Variants in CUL1 observed in about 807,000 individuals in gnomAD.
CUL1 encodes cullin 1.
Under a neutral mutation model 118.0 loss-of-function variants are expected in CUL1, and 24 were observed. The ratio of observed to expected loss-of-function variants is 0.20; its 90% CI spans 0.15 to 0.29. The LOEUF (loss-of-function observed/expected upper bound fraction) is 0.29. Among genes scored for constraint, CUL1 ranks in the 10% least tolerant of loss-of-function variants. The pLI, the probability that CUL1 is intolerant of heterozygous loss-of-function variation, is 1.00. For missense variants in CUL1, 361 were observed against 933.8 expected, an observed-to-expected ratio of 0.39 and a Z score of 7.99; for synonymous variants, 332 against 340.4, an observed-to-expected ratio of 0.98 and a Z score of 0.27.
intron 1 of CUL1, among the ~76,000 whole-genome samples, chr7:148,716,377 G>A (rs948637073): frequency 2.6e-5 from 4 of 152,178 alleles, no homozygotes; most frequent in Admixed American, 6.5e-5. Flanking sequence ...TCTTGCTGAC[G>A]AAGTTAGACA....
At chr7:148,720,179 G>A (rs113584648) in intron 1 of CUL1, among the ~76,000 whole-genome samples, 26 of 152,288 alleles carry the variant, frequency 1.7e-4, no homozygotes, top group Middle Eastern at 3.4e-3. Flanking sequence ...AAAACGCAGC[G>A]TATAGAAGAA....
At chr7:148,741,595 T>C (rs1799141176) in intron 2 of CUL1, among the ~76,000 whole-genome samples, 1 of 149,752 alleles carries the variant, frequency 6.7e-6, no homozygotes, top group Admixed American at 6.6e-5. Context: ...TGCATCACCA[T>C]GCCCAGCTAA....
chr7:148,702,903 A>G (rs774041356), intron 1 of CUL1, among the ~76,000 whole-genome samples: 6 of 152,234 alleles, frequency 3.9e-5, no homozygotes, highest in Non-Finnish European at 8.8e-5. Flanking sequence ...AGCATACTGC[A>G]TGCATCAACA....
chr7:148,729,769 C>T (rs1798697354), intron 1 of CUL1, among the ~76,000 whole-genome samples, 193 bp from the exon 2 acceptor site: 1 of 152,156 alleles, frequency 6.6e-6, no homozygotes, highest in Non-Finnish European at 1.5e-5. Flanking sequence ...GTGCTGATAT[C>T]ATAATGATTT....
intron 2 of CUL1, 145 bp from the exon 3 acceptor site, chr7:148,753,831 A>T (rs1340380298): frequency 3.2e-6 from 2 of 620,710 alleles, no homozygotes; most frequent in Non-Finnish European, 5.3e-6. Flanking sequence ...GATAGTGTGA[A>T]TGGGATCTTT....
chr7:148,719,235 C>T (rs1033010986), intron 1 of CUL1, among the ~76,000 whole-genome samples: 1 of 151,924 alleles, frequency 6.6e-6, no homozygotes, highest in African/African-American at 2.4e-5. Context: ...GGCGTGAACC[C>T]GGGAGGCGGA....
At chr7:148,782,428 G>GT (rs1800671798) in intron 9 of CUL1, among the ~76,000 whole-genome samples, 2 of 152,270 alleles carry the variant, frequency 1.3e-5, no homozygotes, top group South Asian at 4.1e-4. Context: ...CGCTCTGTGT[G>GT]TTTTAACATT....
intron 1 of CUL1, among the ~76,000 whole-genome samples, chr7:148,722,623 A>G (rs1384235887): frequency 6.6e-6 from 1 of 152,200 alleles, no homozygotes; most frequent in Non-Finnish European, 1.5e-5. Context: ...CTATCCCTAC[A>G]GTGGTCATCT....
chr7:148,743,335 A>G (rs1379914277), intron 2 of CUL1, among the ~76,000 whole-genome samples: 1 of 152,134 alleles, frequency 6.6e-6, no homozygotes, highest in African/African-American at 2.4e-5. Context: ...CCTGTGTGAT[A>G]TTGTCCTGTT....
At chr7:148,716,471 G>T (rs1429506576) in intron 1 of CUL1, among the ~76,000 whole-genome samples, 2 of 152,162 alleles carry the variant, frequency 1.3e-5, no homozygotes, top group Non-Finnish European at 1.5e-5. Flanking sequence ...TGAAAATAAA[G>T]ATGTAATTTT....
intron 1 of CUL1, among the ~76,000 whole-genome samples, chr7:148,725,671 G>C (rs959214709): frequency 2.0e-5 from 3 of 152,334 alleles, no homozygotes; most frequent in Admixed American, 2.0e-4. Flanking sequence ...ACAGGTCTCT[G>C]TTGCTGCCCA....
At chr7:148,716,554 T>C (rs748808531) in intron 1 of CUL1, among the ~76,000 whole-genome samples, 2 of 152,190 alleles carry the variant, frequency 1.3e-5, no homozygotes, top group African/African-American at 2.4e-5. Flanking sequence ...TCCACCCTTC[T>C]CCCACACTGT....
At chr7:148,791,795 T>G (rs572699586) in intron 16 of CUL1, among the ~76,000 whole-genome samples, 1 of 152,256 alleles carries the variant, frequency 6.6e-6, no homozygotes, top group Non-Finnish European at 1.5e-5. Context: ...CTGTCGATTA[T>G]GCAAGAAAAC....
At chr7:148,744,579 G>C (rs1488284267) in intron 2 of CUL1, among the ~76,000 whole-genome samples, 1 of 151,928 alleles carries the variant, frequency 6.6e-6, no homozygotes, top group African/African-American at 2.4e-5. Flanking sequence ...TACTCGTATC[G>C]CTCTCCTTTA....
chr7:148,759,476 G>A (rs1241964905), intron 5 of CUL1, 72 bp from the exon 6 acceptor site: 13 of 1,369,598 alleles, frequency 9.5e-6, no homozygotes, highest in Non-Finnish European at 1.3e-5. Flanking sequence ...GGCTGTGAAT[G>A]TTTAAGGGAT....
At chr7:148,718,401 C>G (rs1266494311) in intron 1 of CUL1, among the ~76,000 whole-genome samples, 1 of 152,180 alleles carries the variant, frequency 6.6e-6, no homozygotes, top group Non-Finnish European at 1.5e-5. Flanking sequence ...TCCCCACAAC[C>G]CCAGGCAGCT....
Position 148,787,805 on chromosome 7 carries a change from C to A in CUL1, c.1479+685C>A, listed in dbSNP as rs145685998. On this transcript the variant is annotated intron_variant, in intron 13 of 21. Transcript: ENST00000325222. The surrounding 1 kb of genome is among the most constrained non-coding windows in gnomAD (Gnocchi z 5.5). ...TTGGTTACTTTGCTGTCACGCAGCC[C>A]TTCCTCTGCCACCTCCTTTGCGTGC... 9.9e-5 allele frequency among the ~76,000 whole-genome samples: 15 copies of A among 152,202 alleles called. No individual in the cohort carries two copies. Among genetic ancestry groups the A allele is most frequent in the Admixed American group, 8.5e-4 (13 of 15,290 alleles).
rs953308316 is a variant in CUL1 at position 148,787,357 on chromosome 7, G to A, written c.1479+237G>A. Among the ~76,000 whole-genome samples, 2 of 152,092 alleles carry A rather than the reference G, an allele frequency of 1.3e-5. No homozygotes were observed. Among genetic ancestry groups the A allele is most frequent in the African/African-American group, 4.8e-5 (2 of 41,408 alleles). On this transcript the variant is annotated intron_variant, in intron 13 of 21. Transcript: ENST00000325222. This position sits in a 1 kb window ranked among gnomAD's most constrained non-coding sequence, Gnocchi z 5.5. ...GGCGCCTGTAGTCCCAGCTACTTGGGAGGCTGAGGCAGGAGAATGGCATGA... is the reference window on the plus strand; with the variant it reads ...GGCGCCTGTAGTCCCAGCTACTTGGAAGGCTGAGGCAGGAGAATGGCATGA...
At chr7:148,758,339 T>C (rs1453616479) in intron 4 of CUL1, among the ~76,000 whole-genome samples, 1 of 152,248 alleles carries the variant, frequency 6.6e-6, no homozygotes, top group Non-Finnish European at 1.5e-5. Context: ...AGCAGTACTT[T>C]GTAGCTTCAC....
Sources: allele counts gnomAD v4.1 joint callset (sites outside exome capture counted in the v4.1 genomes callset), GRCh38; gene constraint gnomAD v4.1.1; non-coding constraint Gnocchi (gnomAD v3.1); transcripts MANE v1.5; gene names NCBI Gene and HGNC (gene_info 2026-07-23, HGNC 2026-07-21).